The following NRG1 variants were observed in gnomAD, a reference collection of about 807,000 sequenced individuals.
The protein encoded by NRG1 is pro-neuregulin-1, membrane-bound isoform.
Under a neutral mutation model 63.8 loss-of-function variants are expected in NRG1, and 18 were observed. That is an observed-to-expected ratio of 0.28 (90% CI 0.19 to 0.42). The LOEUF (loss-of-function observed/expected upper bound fraction) is 0.42, where lower values mean the gene tolerates loss of function less well. Ranked by LOEUF, NRG1 falls within the 10% of genes least tolerant of loss-of-function variation. The pLI, the probability that NRG1 is intolerant of heterozygous loss-of-function variation, is 1.00. For synonymous variants in NRG1, 302 were observed against 301.3 expected, an observed-to-expected ratio of 1.00 and a Z score of -0.02; for missense variants, 762 against 814.7, an observed-to-expected ratio of 0.94 and a Z score of 0.79.
At chr8:32,225,907 C>A (rs2132525845) in intron 1 of NRG1, among the ~76,000 whole-genome samples, 2 of 152,168 alleles carry the variant, frequency 1.3e-5, no homozygotes, top group South Asian at 2.1e-4. Flanking sequence ...GTCTTCCTAC[C>A]TTTAGTCTTT....
At chr8:32,409,326 T>C (rs180726030) in intron 1 of NRG1, among the ~76,000 whole-genome samples, 1 of 152,280 alleles carries the variant, frequency 6.6e-6, no homozygotes, top group Non-Finnish European at 1.5e-5. Context: ...GAAAAAACTC[T>C]TCTGGGCATT....
At chr8:32,690,791 G>A (rs1811390454) in intron 5 of NRG1, among the ~76,000 whole-genome samples, 1 of 151,972 alleles carries the variant, frequency 6.6e-6, no homozygotes, top group Non-Finnish European at 1.5e-5. Flanking sequence ...TGGTACTTAG[G>A]CTGAGCTGGT....
chr8:31,920,891 GATAGA>G (rs1833850694), intron 1 of NRG1, among the ~76,000 whole-genome samples: 2 of 74,150 alleles, frequency 2.7e-5, no homozygotes, highest in African/African-American at 1.1e-4. Context: ...TAGGTAGATA[GATAGA>G]TAGATAGATA....
intron 1 of NRG1, among the ~76,000 whole-genome samples, chr8:32,292,888 G>T (rs191993614): frequency 6.6e-6 from 1 of 152,112 alleles, no homozygotes; most frequent in Non-Finnish European, 1.5e-5. Flanking sequence ...GGCTGATCAC[G>T]AGGTCAGGAA....
rs545693321 is a variant in NRG1 at position 32,494,762 on chromosome 8, C to T, written c.38-101066C>T. Among the ~76,000 whole-genome samples, 112 of 152,206 alleles carry T rather than the reference C, an allele frequency of 7.4e-4. 1 individual carries two copies. Among genetic ancestry groups the T allele is most frequent in the Middle Eastern group, 3.4e-3 (1 of 294 alleles). On this transcript the variant is annotated intron_variant, in intron 1 of 10. Coordinates refer to the NRG1 transcript ENST00000519301. ...AGATTTATTCAGACTGAATTTCTGCCCTGGGAAATTAATGAATCATCCTTC... is the reference window on the plus strand; with the variant it reads ...AGATTTATTCAGACTGAATTTCTGCTCTGGGAAATTAATGAATCATCCTTC...
chr8:32,672,001 A>T (rs75068018), intron 5 of NRG1, among the ~76,000 whole-genome samples: 2,523 of 151,680 alleles, frequency 0.017, 26 homozygotes, highest in Non-Finnish European at 0.027. Flanking sequence ...GCTTGCCTGG[A>T]AACTAGAGCC....
chr8:31,954,567 ATG>A (rs1156330683), intron 1 of NRG1, among the ~76,000 whole-genome samples: 13 of 152,172 alleles, frequency 8.5e-5, no homozygotes. Context: ...AACCCTTGTT[ATG>A]TGGGTAACTG....
chr8:32,433,407 A>T (rs1266717693), intron 1 of NRG1, among the ~76,000 whole-genome samples: 2 of 152,162 alleles, frequency 1.3e-5, no homozygotes, highest in Non-Finnish European at 2.9e-5. Context: ...TGTGGAAACT[A>T]TTAGAAACCG....
At chr8:32,591,536 T>C (rs1389274712) in intron 1 of NRG1, among the ~76,000 whole-genome samples, 2 of 152,066 alleles carry the variant, frequency 1.3e-5, no homozygotes, top group Non-Finnish European at 2.9e-5. Flanking sequence ...CAATGAGTGA[T>C]TGGTTTCCTT....
At chr8:32,259,876 A>G (rs1046950912) in intron 1 of NRG1, among the ~76,000 whole-genome samples, 1 of 152,054 alleles carries the variant, frequency 6.6e-6, no homozygotes, top group Non-Finnish European at 1.5e-5. Context: ...TTTTCTCATC[A>G]GCCTCTGCAA....
chr8:31,720,798 T>C (rs893741625), intron 1 of NRG1, among the ~76,000 whole-genome samples: 4 of 152,198 alleles, frequency 2.6e-5, no homozygotes, highest in Admixed American at 2.6e-4. Flanking sequence ...ATGCTTCTTT[T>C]CTCCTCACCC....
At chr8:32,725,539 A>C (rs1330331432) in intron 5 of NRG1, among the ~76,000 whole-genome samples, 11 of 132,154 alleles carry the variant, frequency 8.3e-5, no homozygotes, top group African/African-American at 2.9e-4. Context: ...GCGGCAGTGC[A>C]ATCTCGGCTC....
At chr8:32,089,110 A>T (rs1828719114) in intron 1 of NRG1, among the ~76,000 whole-genome samples, 1 of 152,098 alleles carries the variant, frequency 6.6e-6, no homozygotes, top group Non-Finnish European at 1.5e-5. Flanking sequence ...ATGTGCATGG[A>T]TCCCTGGTGG....
intron 1 of NRG1, among the ~76,000 whole-genome samples, chr8:32,071,991 A>G (rs1292619311): frequency 6.6e-6 from 1 of 152,214 alleles, no homozygotes; most frequent in Non-Finnish European, 1.5e-5. Context: ...TAAGGGTAAA[A>G]TAAAGAGAAA....
intron 3 of NRG1, among the ~76,000 whole-genome samples, chr8:32,609,868 G>A (rs981473304): frequency 2.7e-5 from 4 of 150,920 alleles, no homozygotes; most frequent in Admixed American, 6.6e-5. Context: ...ACAAGGTTTC[G>A]CCATGTTGGC....
intron 1 of NRG1, among the ~76,000 whole-genome samples, chr8:32,481,175 C>T (rs768742991): frequency 4.6e-5 from 7 of 151,964 alleles, no homozygotes; most frequent in Admixed American, 6.6e-5. Context: ...GAAATCTCAT[C>T]TCTAAAAAAA....
intron 1 of NRG1, among the ~76,000 whole-genome samples, chr8:31,813,523 T>TTC (rs1338179724): frequency 7.2e-6 from 1 of 139,478 alleles, no homozygotes; most frequent in African/African-American, 2.7e-5. Context: ...TTTCTTTTTT[T>TTC]TTTTTTTTTT....
At chr8:32,719,762 C>T (rs1564022549) in intron 5 of NRG1, among the ~76,000 whole-genome samples, 2 of 151,860 alleles carry the variant, frequency 1.3e-5, no homozygotes, top group South Asian at 2.1e-4. Flanking sequence ...CTTTTTTCTA[C>T]GTTTAACTTT....
At chr8:32,245,806 G>A (rs1202138792) in intron 1 of NRG1, among the ~76,000 whole-genome samples, 1 of 152,066 alleles carries the variant, frequency 6.6e-6, no homozygotes, top group Non-Finnish European at 1.5e-5. Flanking sequence ...ATCTCAAATT[G>A]AATTTTTAAA....
Sources: gnomAD v4.1 joint callset for allele counts (sites outside exome capture counted in the v4.1 genomes callset) on GRCh38, gnomAD v4.1.1 for gene constraint, MANE v1.5 for transcripts, NCBI Gene and HGNC (gene_info 2026-07-23, HGNC 2026-07-21) for gene names.